The following RBBP6 variants were observed in gnomAD, a reference collection of about 807,000 sequenced individuals.
The protein encoded by RBBP6 is RB binding protein 6, ubiquitin ligase.
RBBP6 carries 25 observed loss-of-function variants against 167.7 expected under a neutral mutation model. The observed-to-expected ratio is 0.15, with a 90% confidence interval of 0.11 to 0.21. The LOEUF (loss-of-function observed/expected upper bound fraction) is 0.21. Among genes scored for constraint, RBBP6 ranks in the 10% least tolerant of loss-of-function variants. RBBP6 has a pLI of 1.00. For missense variants in RBBP6, 1,868 were observed against 2,134.2 expected (o/e 0.88, Z 2.46); for synonymous variants, 789 against 735.8 (o/e 1.07, Z -1.17).
intron 8 of RBBP6, among the ~76,000 whole-genome samples, chr16:24,561,254 T>C (rs1036241636): frequency 2.1e-5 from 3 of 143,734 alleles, no homozygotes; most frequent in Non-Finnish European, 3.1e-5. Flanking sequence ...GACATTTGTT[T>C]AAAAAAAAAA....
At chr16:24,558,427 A>C in intron 7 of RBBP6, 1 of 954,184 alleles carries the variant, frequency 1.0e-6, no homozygotes, top group Non-Finnish European at 1.2e-6. Flanking sequence ...GCAGTGGGAG[A>C]CTCCTCTTTC....
In RBBP6 at chr16:24,548,973, A is replaced by G. The variant is rs1178582093; in HGVS notation, c.295A>G (p.Thr99Ala). ...TCGAACTGAACCAGCGATGGCAACT[A>G]CAAAAGCAGTATGTAAAAACACAAT... ...ISRTEPAMATTKAIDDSSASI... is the reference protein window; with the variant it reads ...ISRTEPAMATAKAIDDSSASI... The change falls in exon 3 of 18, where the codon ACA (threonine) becomes GCA (alanine). Residue 99 changes from threonine to alanine, a missense_variant. Physicochemically the swap from Thr to Ala is moderately conservative, Grantham distance 58. Around this residue, in one of 7 missense-constraint regions of RBBP6, gnomAD observed 184 missense variants for 327.7 expected, o/e 0.56. Coordinates refer to ENST00000319715, the MANE Select transcript of RBBP6 (RefSeq NM_006910.5). 3.7e-6 allele frequency: 6 copies of G among 1,611,314 alleles called. No homozygotes were observed. The highest frequency in any genetic ancestry group is 5.1e-6 in the Non-Finnish European group (6 of 1,178,386).
rs199545945 is a variant in RBBP6, at chr16:24,564,877, A to G, written c.1589+12A>G. 6 of 1,607,438 alleles carry G rather than the reference A, an allele frequency of 3.7e-6. No individual in the cohort carries two copies. Among genetic ancestry groups the G allele is most frequent in the Non-Finnish European group, 4.2e-6 (5 of 1,177,374 alleles). Reference sequence around the variant, plus strand: ...AGGAGCTGCTACAGGTAGGCATGCTAAAAATCTTGGAAAATAATCATCTTA... The same window carrying G: ...AGGAGCTGCTACAGGTAGGCATGCTGAAAATCTTGGAAAATAATCATCTTA... On this transcript the variant is annotated intron_variant, in intron 14 of 17. Coordinates refer to ENST00000319715, the MANE Select transcript of RBBP6 (RefSeq NM_006910.5).
intron 7 of RBBP6, among the ~76,000 whole-genome samples, chr16:24,557,591 G>A (rs1040896064): frequency 6.6e-6 from 1 of 151,998 alleles, no homozygotes; most frequent in African/African-American, 2.4e-5. Context: ...AAAGATCCTG[G>A]TTGCTCCGCC....
At chr16:24,544,101 T>G (rs567981176) in intron 1 of RBBP6, among the ~76,000 whole-genome samples, 2 of 152,356 alleles carry the variant, frequency 1.3e-5, no homozygotes, top group South Asian at 2.1e-4. Context: ...GAGGCACCTT[T>G]TAGTTTGACA....
At chr16:24,558,592 C>G in intron 7 of RBBP6, 2 of 770,220 alleles carry the variant, frequency 2.6e-6, no homozygotes, top group South Asian at 5.8e-5. Flanking sequence ...TAAACACACT[C>G]TGTTCCTGAA....
chr16:24,555,747 G>C, intron 5 of RBBP6, 44 bp downstream of exon 5: 1 of 1,595,612 alleles, frequency 6.3e-7, no homozygotes, highest in Non-Finnish European at 8.6e-7. Flanking sequence ...TTTTGGGGTG[G>C]GTTTTCCCCC....
chr16:24,558,172 A>G (rs1251419503), intron 7 of RBBP6, among the ~76,000 whole-genome samples: 1 of 152,240 alleles, frequency 6.6e-6, no homozygotes, highest in Non-Finnish European at 1.5e-5. Context: ...AAAAATTAGT[A>G]TCACCTGTAA....
At position 24,567,393 on chromosome 16, in the gene RBBP6, C is replaced by T. The variant is rs746077485; in HGVS notation, c.1840C>T (p.Pro614Ser). ...TCCAGCTCCTGCCAATTTATCAACA[C>T]CTTGGGTATCATCAGGAGTGCAGAC... The part of the protein sequence containing the change: ...FPPAPANLST[P>S]WVSSGVQTAH... Residue 614 changes from proline (P) to serine (S), a missense_variant, in exon 15 of 18, where the codon CCT becomes TCT. By Grantham distance (74) the Pro-to-Ser change is moderately conservative. Around this residue, in one of 7 missense-constraint regions of RBBP6, gnomAD observed 145 missense variants for 224.3 expected, o/e 0.65. Transcript: ENST00000319715. 6.2e-7 allele frequency: 1 copy of T among 1,614,214 alleles called. No individual in the cohort carries two copies. The highest frequency in any genetic ancestry group is 1.1e-5 in the South Asian group (1 of 91,084).
chr16:24,547,455 T>A (rs1267976675), intron 2 of RBBP6, among the ~76,000 whole-genome samples: 4 of 152,096 alleles, frequency 2.6e-5, no homozygotes, highest in African/African-American at 4.8e-5. Flanking sequence ...ATATATATAT[T>A]GTTTTGTTTT....
At chr16:24,560,237 G>A (rs1748949498) in intron 8 of RBBP6, among the ~76,000 whole-genome samples, 1 of 151,266 alleles carries the variant, frequency 6.6e-6, no homozygotes, top group African/African-American at 2.4e-5. Flanking sequence ...CTCCCAAGTA[G>A]CTGGGACTGC....
rs1023604611 is a variant in RBBP6, at chr16:24,556,866, C to T, written c.674+419C>T. 3.9e-5 allele frequency among the ~76,000 whole-genome samples: 6 copies of T among 152,114 alleles called. 1 individual carries two copies. The highest frequency in any genetic ancestry group is 7.3e-5 in the Non-Finnish European group (5 of 68,032). ...TGTTGAGGCAAATTTAAGTGTCAGG[C>T]ATAAATGAAATACTGAAGTAGCTTG... On this transcript the variant is annotated intron_variant, in intron 7 of 17. Transcript: ENST00000319715.
intron 3 of RBBP6, among the ~76,000 whole-genome samples, chr16:24,550,371 G>GT (rs397952875): frequency 0.18 from 24,257 of 134,108 alleles, 2,548 homozygotes; most frequent in South Asian, 0.26. Flanking sequence ...TTGTTTTTTT[G>GT]TTTTTTTTTT....
At chr16:24,545,690 A>C (rs141706172) in intron 1 of RBBP6, among the ~76,000 whole-genome samples, 5 of 152,310 alleles carry the variant, frequency 3.3e-5, no homozygotes, top group African/African-American at 1.2e-4. Flanking sequence ...GTATTCCACT[A>C]TTCATTCCTT....
rs1312037610 is a variant in RBBP6 at position 24,569,134 on chromosome 16, G to T, written c.2444G>T (p.Ser815Ile). 6.2e-7 allele frequency: 1 copy of T among 1,612,844 alleles called. No individual in the cohort carries two copies. The highest frequency in any genetic ancestry group is 1.1e-5 in the South Asian group (1 of 90,914). The change falls in exon 17 of 18, where the codon AGT becomes ATT. Residue 815 changes from serine (S) to isoleucine (I), a missense_variant. Transcript: ENST00000319715. ...GACATGAAAGCATATTATGGGAGAA[G>T]TGTTGACTTTAGAGACCCATTTGAA... ...PYDMKAYYGR[S>I]VDFRDPFEKE...
At chr16:24,556,038 T>C (rs1402010286) in intron 6 of RBBP6, 121 bp downstream of exon 6, 1 of 987,366 alleles carries the variant, frequency 1.0e-6, no homozygotes, top group African/African-American at 1.6e-5. Context: ...GAGCATGGTC[T>C]CTGGAGCCAA....
intron 1 of RBBP6, among the ~76,000 whole-genome samples, chr16:24,541,917 G>C (rs1411937825): frequency 6.6e-6 from 1 of 152,186 alleles, no homozygotes; most frequent in Non-Finnish European, 1.5e-5. Context: ...CCAGCCTGTA[G>C]TTTAGGTAGA....
At position 24,567,168 on chromosome 16, in the gene RBBP6, A is replaced by C. The variant is rs1899215400; in HGVS notation, c.1615A>C (p.Ser539Arg). The change falls in exon 15 of 18, where the codon AGC becomes CGC. Residue 539 changes from serine to arginine, a missense_variant. Ser to Arg is a moderately radical substitution (Grantham distance 110, BLOSUM62 -1). Transcript: ENST00000319715. ...AAGTATAAACCGTGGGCGACACCAC[A>C]GCGAAAGATCACAGAGGACTCAAGG... ...YRSINRGRHH[S>R]ERSQRTQGPS... The C allele has an allele frequency of 1.2e-6, 2 of 1,613,860 alleles. No homozygotes were observed. Among genetic ancestry groups the C allele is most frequent in the Non-Finnish European group, 1.7e-6 (2 of 1,179,750 alleles).
At chr16:24,555,745 T>A in intron 5 of RBBP6, 42 bp downstream of exon 5, 4 of 1,588,450 alleles carry the variant, frequency 2.5e-6, no homozygotes, top group Non-Finnish European at 3.5e-6. Context: ...ACTTTTGGGG[T>A]GGGTTTTCCC....
Sources: gnomAD v4.1 joint callset for allele counts (sites outside exome capture counted in the v4.1 genomes callset) on GRCh38, gnomAD v4.1.1 for gene constraint, gnomAD v4.1.1 regional missense constraint, MANE v1.5 for transcripts, NCBI Gene and HGNC (gene_info 2026-07-23, HGNC 2026-07-21) for gene names.